PDE5A: variants seen among roughly 807,000 people sequenced by gnomAD.
PDE5A encodes the protein phosphodiesterase 5A.
PDE5A carries 67 observed loss-of-function variants against 110.2 expected under a neutral mutation model. That is an observed-to-expected ratio of 0.61 (90% CI 0.50 to 0.75). The LOEUF (loss-of-function observed/expected upper bound fraction) is 0.75, where lower values mean the gene tolerates loss of function less well. Among genes scored for constraint, PDE5A ranks in the 30% least tolerant of loss-of-function variants. The pLI is 0.00. For missense variants in PDE5A, 862 were observed against 1,045.1 expected (o/e 0.82, Z 2.42); for synonymous variants, 328 against 351.2 (o/e 0.93, Z 0.74).
chr4:119,545,786 C>T (rs1236841539), intron 9 of PDE5A, among the ~76,000 whole-genome samples: 3 of 152,168 alleles, frequency 2.0e-5, no homozygotes. Context: ...AATGCTTATA[C>T]CCTGCTTGCA....
chr4:119,622,320 A>G (rs955476935), intron 1 of PDE5A, among the ~76,000 whole-genome samples: 4 of 152,244 alleles, frequency 2.6e-5, no homozygotes, highest in African/African-American at 7.2e-5. Flanking sequence ...TAGGTATTCA[A>G]CTAAAAGTAG....
chr4:119,577,747 A>G (rs1415624084), intron 3 of PDE5A, among the ~76,000 whole-genome samples: 1 of 152,166 alleles, frequency 6.6e-6, no homozygotes, highest in East Asian at 1.9e-4. Flanking sequence ...ATGGGCAAAA[A>G]CTGAAAGCAT....
intron 1 of PDE5A, among the ~76,000 whole-genome samples, chr4:119,620,510 A>T (rs529345130): frequency 5.3e-5 from 8 of 152,258 alleles, no homozygotes; most frequent in African/African-American, 1.9e-4. Flanking sequence ...AATAACTCAA[A>T]TCTATGCACT....
chr4:119,514,740 A>T (rs1444137792), intron 14 of PDE5A, among the ~76,000 whole-genome samples: 5 of 152,218 alleles, frequency 3.3e-5, no homozygotes, highest in Non-Finnish European at 2.9e-5. Context: ...GTTGCTAAGA[A>T]CATTCCCCTG....
intron 11 of PDE5A, among the ~76,000 whole-genome samples, chr4:119,536,838 A>G (rs530165807): frequency 6.6e-6 from 1 of 152,114 alleles, no homozygotes; most frequent in African/African-American, 2.4e-5. Flanking sequence ...CCTCCTTACA[A>G]CCTAATGAGA....
At chr4:119,614,880 T>G (rs1326225901) in intron 1 of PDE5A, among the ~76,000 whole-genome samples, 2 of 152,124 alleles carry the variant, frequency 1.3e-5, no homozygotes, top group Non-Finnish European at 2.9e-5. Context: ...TTTCTTCCCC[T>G]GAGTTTCCAT....
chr4:119,627,304 G>T lies in PDE5A; in HGVS notation c.152+1216C>A. 1 of 1,294,396 alleles carries T rather than the reference G, an allele frequency of 7.7e-7. No homozygotes were observed. The highest frequency in any genetic ancestry group is 3.2e-5 in the Admixed American group (1 of 31,308). The allele number at this position is 1,294,396 out of a possible 1,614,324, so 80.2% of individuals were successfully genotyped here. On this transcript the variant is annotated intron_variant, in intron 1 of 20. Coordinates refer to ENST00000354960, the MANE Select transcript of PDE5A (RefSeq NM_001083.4). This position sits in a 1 kb window ranked among gnomAD's most constrained non-coding sequence, Gnocchi z 4.6. Reference sequence around the variant, plus strand: ...TCAGAACCAGCTCCCTCACGGCCCCGGCCTCCGCGCCGCCGCCCGTCGCCT... The same window carrying T: ...TCAGAACCAGCTCCCTCACGGCCCCTGCCTCCGCGCCGCCGCCCGTCGCCT...
intron 9 of PDE5A, chr4:119,549,420 G>T (rs1727258918): frequency 6.6e-6 from 1 of 152,184 alleles, no homozygotes; most frequent in African/African-American, 2.4e-5. Flanking sequence ...GATTAAGATA[G>T]TAACCAGTTG....
At position 119,627,385 on chromosome 4, in the gene PDE5A, G is replaced by A. The variant is rs1418011903; in HGVS notation, c.152+1135C>T. 1 of 856,402 alleles carries A rather than the reference G, an allele frequency of 1.2e-6. No individual in the cohort carries two copies. Among genetic ancestry groups the A allele is most frequent in the Non-Finnish European group, 1.4e-6 (1 of 710,864 alleles). 53.1% of individuals were successfully genotyped at this position (856,402 alleles called of 1,614,324 possible). A position where few individuals can be genotyped will look rare whatever the true frequency, so the allele number is the denominator to read the frequency against. On this transcript the variant is annotated intron_variant, in intron 1 of 20. Coordinates refer to ENST00000354960, the MANE Select transcript of PDE5A (RefSeq NM_001083.4). This position sits in a 1 kb window ranked among gnomAD's most constrained non-coding sequence, Gnocchi z 4.6. ...GCGGGGAGCGACCGGCAGAGCCGCG[G>A]CCGCGCGCCGGCGAGTGGGACCCGG...
At chr4:119,560,391 A>G (rs1209030309) in intron 6 of PDE5A, 28 bp from the exon 7 acceptor site, 2 of 1,512,686 alleles carry the variant, frequency 1.3e-6, no homozygotes, top group Admixed American at 1.9e-5. Context: ...AGGCTGAGAA[A>G]TAAGTTTGAC....
chr4:119,586,890 C>A (rs1345058045), intron 3 of PDE5A, among the ~76,000 whole-genome samples: 1 of 152,154 alleles, frequency 6.6e-6, no homozygotes, highest in African/African-American at 2.4e-5. Flanking sequence ...GTACACAAAG[C>A]CTACCACATT....
intron 3 of PDE5A, among the ~76,000 whole-genome samples, chr4:119,574,709 A>T (rs1312805048): frequency 1.3e-5 from 2 of 152,196 alleles, no homozygotes; most frequent in Admixed American, 6.5e-5. Flanking sequence ...TAAGTCTCGT[A>T]ACAAGTTTTC....
intron 2 of PDE5A, 97 bp downstream of exon 2, chr4:119,606,612 C>G (rs1182302623): frequency 1.7e-5 from 13 of 751,756 alleles, no homozygotes; most frequent in Non-Finnish European, 2.3e-5. Flanking sequence ...AATATCCCCA[C>G]CATTCATGAT....
chr4:119,500,955 G>A lies in PDE5A; in HGVS notation c.2490+215C>T, dbSNP rs1390847427. 4 of 510,994 alleles carry A rather than the reference G, an allele frequency of 7.8e-6. 1 individual carries two copies. Among genetic ancestry groups the A allele is most frequent in the African/African-American group, 1.9e-5 (1 of 51,444 alleles). The allele number at this position is 510,994 out of a possible 1,614,324, so 31.7% of individuals were successfully genotyped here. On this transcript the variant is annotated intron_variant, in intron 20 of 20. Coordinates refer to ENST00000354960, the MANE Select transcript of PDE5A (RefSeq NM_001083.4). ...CTTCTTAGCATCCCCAAATCAATTT[G>A]TTGGAGATTAGCACATAGTAGGCAC... is the stretch of plus-strand genomic sequence containing the variant.
intron 1 of PDE5A, among the ~76,000 whole-genome samples, chr4:119,614,916 T>C (rs527422296): frequency 3.3e-5 from 5 of 152,238 alleles, no homozygotes; most frequent in Non-Finnish European, 7.4e-5. Flanking sequence ...ACAAGAAAAA[T>C]AGCACCAGTT....
chr4:119,552,916 A>C (rs995250538), intron 8 of PDE5A, among the ~76,000 whole-genome samples: 4 of 151,046 alleles, frequency 2.6e-5, no homozygotes, highest in African/African-American at 9.7e-5. Flanking sequence ...TAAAAAAAAT[A>C]AGTAAAAGTA....
At chr4:119,602,297 G>A (rs988033011) in intron 2 of PDE5A, among the ~76,000 whole-genome samples, 3 of 152,066 alleles carry the variant, frequency 2.0e-5, no homozygotes, top group Non-Finnish European at 4.4e-5. Flanking sequence ...ATTATAGAGT[G>A]AAAAAGAGGA....
chr4:119,592,079 G>T (rs1415779336), intron 3 of PDE5A, among the ~76,000 whole-genome samples: 1 of 146,492 alleles, frequency 6.8e-6, no homozygotes, highest in East Asian at 2.0e-4. Flanking sequence ...GAACCCGGGA[G>T]GCAGAGGTTG....
chr4:119,501,318 T>TATTA (rs1212562257), intron 19 of PDE5A, 65 bp from the exon 20 acceptor site: 32 of 1,010,264 alleles, frequency 3.2e-5, no homozygotes, highest in Non-Finnish European at 4.6e-5. Context: ...GTTATTACTT[T>TATTA]ATTATTTTTT....
Sources: gnomAD v4.1 joint callset for allele counts (sites outside exome capture counted in the v4.1 genomes callset) on GRCh38, gnomAD v4.1.1 for gene constraint, Gnocchi (gnomAD v3.1) non-coding constraint, MANE v1.5 for transcripts, NCBI Gene and HGNC (gene_info 2026-07-23, HGNC 2026-07-21) for gene names.